Variants in LRP11 observed in about 807,000 individuals in gnomAD.
LRP11 encodes the protein low-density lipoprotein receptor-related protein 11.
LRP11 carries 25 observed loss-of-function variants against 43.1 expected under a neutral mutation model. That is an observed-to-expected ratio of 0.58 (90% CI 0.42 to 0.81). LRP11 has a LOEUF of 0.81. LRP11 is among the 30% of genes least tolerant of loss of function. The pLI, the probability that LRP11 is intolerant of heterozygous loss-of-function variation, is 0.00. For synonymous variants in LRP11, 316 were observed against 299.4 expected (o/e 1.06, Z -0.57); for missense variants, 623 against 665.1 (o/e 0.94, Z 0.70).
At chr6:149,833,185 C>G (rs1776431503) in intron 5 of LRP11, among the ~76,000 whole-genome samples, 1 of 152,180 alleles carries the variant, frequency 6.6e-6, no homozygotes, top group Non-Finnish European at 1.5e-5. Flanking sequence ...GATCCGCCCA[C>G]CTCGGCCTCC....
intron 5 of LRP11, among the ~76,000 whole-genome samples, chr6:149,826,894 G>C (rs1390336441): frequency 6.6e-6 from 1 of 152,004 alleles, no homozygotes; most frequent in Non-Finnish European, 1.5e-5. Flanking sequence ...TCTTGGTAGA[G>C]ACCAGTACTT....
chr6:149,824,884 A>G (rs1390267649), intron 6 of LRP11, among the ~76,000 whole-genome samples: 1 of 152,142 alleles, frequency 6.6e-6, no homozygotes, highest in Non-Finnish European at 1.5e-5. Flanking sequence ...AAACAAAAAT[A>G]TGTAACAACC....
intron 1 of LRP11, among the ~76,000 whole-genome samples, chr6:149,861,759 G>T (rs1776902431): frequency 6.6e-6 from 1 of 152,208 alleles, no homozygotes; most frequent in South Asian, 2.1e-4. Context: ...GGCCTCAAGT[G>T]ATTCACCCGC....
chr6:149,845,070 T>C (rs560294823), intron 2 of LRP11, among the ~76,000 whole-genome samples: 8 of 152,286 alleles, frequency 5.3e-5, no homozygotes, highest in South Asian at 2.1e-4. Context: ...CCAATAGACA[T>C]GGGTTTGAAT....
intron 5 of LRP11, among the ~76,000 whole-genome samples, chr6:149,831,733 A>G (rs1776410695): frequency 6.6e-6 from 1 of 152,212 alleles, no homozygotes. Flanking sequence ...CAGTGGTGGG[A>G]TTACAGCTCA....
In LRP11 at chr6:149,863,771, C is replaced by T. The variant is rs1583104320; in HGVS notation, c.250G>A (p.Gly84Ser). 1.4e-6 allele frequency: 2 copies of T among 1,477,938 alleles called. No homozygotes were observed. Among genetic ancestry groups the T allele is most frequent in the African/African-American group, 1.5e-5 (1 of 68,216 alleles). 91.6% of individuals were successfully genotyped at this position (1,477,938 alleles called of 1,614,324 possible). Residue 84 changes from glycine to serine, a missense_variant, in exon 1 of 7, where the codon GGC becomes AGC. Gly to Ser is a moderately conservative substitution (Grantham distance 56). Coordinates refer to ENST00000239367, the MANE Select transcript of LRP11 (RefSeq NM_032832.6). Reference protein sequence around the residue: ...ELELELRAGGGPQEDCPGPGS... With the variant: ...ELELELRAGGSPQEDCPGPGS... The stretch of plus-strand genomic sequence containing the variant: ...GGGCCCGGGCAGTCCTCCTGGGGGC[C>T]GCCGCCCGCGCGCAGCTCCAGCTCC...
chr6:149,832,467 C>T (rs1018587907), intron 5 of LRP11, among the ~76,000 whole-genome samples: 1 of 152,080 alleles, frequency 6.6e-6, no homozygotes, highest in Admixed American at 6.6e-5. Flanking sequence ...GGATTACAAG[C>T]ATGAGCCACC....
chr6:149,832,811 TTTTTA>T (rs1455824771), intron 5 of LRP11, among the ~76,000 whole-genome samples: 1 of 149,952 alleles, frequency 6.7e-6, no homozygotes, highest in East Asian at 2.0e-4. Flanking sequence ...TATTTTTATT[TTTTTA>T]TTTTATTTTT....
intron 2 of LRP11, among the ~76,000 whole-genome samples, chr6:149,847,873 A>G (rs1295405791): frequency 7.9e-6 from 1 of 126,144 alleles, no homozygotes; most frequent in African/African-American, 3.2e-5. Context: ...ACACACACAC[A>G]CACACATTGT....
At chr6:149,842,233 T>G (rs1776559060) in intron 3 of LRP11, among the ~76,000 whole-genome samples, 1 of 152,224 alleles carries the variant, frequency 6.6e-6, no homozygotes, top group African/African-American at 2.4e-5. Flanking sequence ...TTCAATCCTG[T>G]GGTATGCCTT....
chr6:149,848,718 G>C (rs1401263437), intron 2 of LRP11, among the ~76,000 whole-genome samples: 1 of 151,942 alleles, frequency 6.6e-6, no homozygotes, highest in Non-Finnish European at 1.5e-5. Flanking sequence ...ACAACGCTGG[G>C]ACCTACTTGA....
chr6:149,843,183 C>A (rs1776577719), intron 2 of LRP11, 59 bp from the exon 3 acceptor site: 1 of 1,601,012 alleles, frequency 6.2e-7, no homozygotes, highest in Non-Finnish European at 8.5e-7. Context: ...GAGCCCAACA[C>A]CATCCTCAAC....
intron 1 of LRP11, among the ~76,000 whole-genome samples, chr6:149,854,887 C>T (rs1381870064): frequency 4.6e-5 from 7 of 152,194 alleles, no homozygotes; most frequent in Non-Finnish European, 7.3e-5. Context: ...TACTGCAATC[C>T]CACCTCAGTG....
At chr6:149,859,510 C>T (rs73612418) in intron 1 of LRP11, among the ~76,000 whole-genome samples, 22,292 of 149,148 alleles carry the variant, frequency 0.15, 4,865 homozygotes, top group African/African-American at 0.49. Context: ...ATTCTCATGT[C>T]TCAGCCTCCC....
At chr6:149,845,152 A>G (rs945794716) in intron 2 of LRP11, among the ~76,000 whole-genome samples, 1 of 152,224 alleles carries the variant, frequency 6.6e-6, no homozygotes, top group African/African-American at 2.4e-5. Context: ...CATTGTTTTC[A>G]TTTGTAAAAT....
At chr6:149,822,262 C>T (rs749015601) in intron 6 of LRP11, among the ~76,000 whole-genome samples, 4 of 151,958 alleles carry the variant, frequency 2.6e-5, no homozygotes, top group Non-Finnish European at 5.9e-5. Flanking sequence ...ATCACCTGAG[C>T]CCAGAAAGTT....
chr6:149,852,984 C>G lies in LRP11; in HGVS notation c.771+19G>C. The G allele has an allele frequency of 6.4e-7, 1 of 1,559,002 alleles. No individual in the cohort carries two copies. The highest frequency in any genetic ancestry group is 8.7e-7 in the Non-Finnish European group (1 of 1,151,362). On this transcript the variant is annotated intron_variant, in intron 2 of 6. Transcript: ENST00000239367. ...TCACTGAAATACTCGTTTTTGTTAG[C>G]AGTGACAACATGCGTTACCTTCATG...
chr6:149,836,795 A>C (rs1776477471), intron 4 of LRP11, among the ~76,000 whole-genome samples: 1 of 151,636 alleles, frequency 6.6e-6, no homozygotes, highest in African/African-American at 2.4e-5. Context: ...AGCCTGGGTG[A>C]CAGAGTGAGA....
intron 5 of LRP11, among the ~76,000 whole-genome samples, chr6:149,830,813 A>G (rs2115378151): frequency 6.6e-6 from 1 of 152,346 alleles, no homozygotes; most frequent in South Asian, 2.1e-4. Flanking sequence ...GGCAGTGTGC[A>G]TGGGAGACTT....
Sources: gnomAD v4.1 joint callset for allele counts (sites outside exome capture counted in the v4.1 genomes callset) on GRCh38, gnomAD v4.1.1 for gene constraint, MANE v1.5 for transcripts, NCBI Gene and HGNC (gene_info 2026-07-23, HGNC 2026-07-21) for gene names.